The following MTHFD1L variants were observed in gnomAD, a reference collection of about 807,000 sequenced individuals.
MTHFD1L encodes monofunctional C1-tetrahydrofolate synthase, mitochondrial.
MTHFD1L carries 81 observed loss-of-function variants against 119.5 expected under a neutral mutation model. That is an observed-to-expected ratio of 0.68 (90% CI 0.57 to 0.82). MTHFD1L has a LOEUF of 0.82. Among genes scored for constraint, MTHFD1L ranks in the 40% least tolerant of loss-of-function variants. MTHFD1L has a pLI of 0.00. For synonymous variants in MTHFD1L, 430 were observed against 475.2 expected, an observed-to-expected ratio of 0.90 and a Z score of 1.24; for missense variants, 1,125 against 1,253.4, an observed-to-expected ratio of 0.90 and a Z score of 1.55.
intron 7 of MTHFD1L, among the ~76,000 whole-genome samples, chr6:150,891,953 A>G (rs948144901): frequency 1.3e-5 from 2 of 152,228 alleles, no homozygotes; most frequent in African/African-American, 4.8e-5. Context: ...GTGCCAGGGA[A>G]GCCAGGTGTC....
intron 18 of MTHFD1L, among the ~76,000 whole-genome samples, chr6:150,963,852 A>G (rs1348455496): frequency 6.6e-6 from 1 of 152,182 alleles, no homozygotes; most frequent in Non-Finnish European, 1.5e-5. Context: ...AGGTCTTTAC[A>G]AAGTGAGAAG....
chr6:151,033,138 A>ATTT (rs1785588038), intron 24 of MTHFD1L, among the ~76,000 whole-genome samples: 1 of 144,622 alleles, frequency 6.9e-6, no homozygotes, highest in African/African-American at 2.6e-5. Flanking sequence ...TTTTTTTTTG[A>ATTT]GACAGAGTCT....
chr6:151,019,247 G>T (rs1199314767), intron 24 of MTHFD1L, among the ~76,000 whole-genome samples: 1 of 95,636 alleles, frequency 1.0e-5, no homozygotes, highest in Non-Finnish European at 2.6e-5. Context: ...ATGCCATCTT[G>T]CCGTCTGATC....
At chr6:150,930,261 G>A (rs1790803810) in intron 11 of MTHFD1L, among the ~76,000 whole-genome samples, 1 of 152,100 alleles carries the variant, frequency 6.6e-6, no homozygotes, top group Non-Finnish European at 1.5e-5. Flanking sequence ...ACAGCAAAAA[G>A]CAGCACTGGT....
At chr6:150,915,180 A>G (rs1787641084) in intron 8 of MTHFD1L, among the ~76,000 whole-genome samples, 1 of 152,210 alleles carries the variant, frequency 6.6e-6, no homozygotes, top group African/African-American at 2.4e-5. Context: ...TGTGGGCCGC[A>G]TGTAGCCCAG....
At chr6:150,885,530 A>G (rs1038607057) in intron 5 of MTHFD1L, 104 bp from the exon 6 acceptor site, 2 of 811,676 alleles carry the variant, frequency 2.5e-6, no homozygotes, top group African/African-American at 1.7e-5. Flanking sequence ...CTGTCTATCA[A>G]ACATTGACTT....
chr6:150,956,191 A>C, intron 17 of MTHFD1L, 120 bp downstream of exon 17: 1 of 982,994 alleles, frequency 1.0e-6, no homozygotes, highest in Non-Finnish European at 1.6e-6. Context: ...TGGTTCTCTC[A>C]CTGTTTTGGG....
intron 24 of MTHFD1L, among the ~76,000 whole-genome samples, chr6:151,016,411 C>T (rs908489035): frequency 6.6e-6 from 1 of 151,972 alleles, no homozygotes; most frequent in Non-Finnish European, 1.5e-5. Flanking sequence ...CAACCTCTGC[C>T]TCCCAGGTTC....
chr6:150,965,181 C>A, intron 19 of MTHFD1L, 144 bp downstream of exon 19: 1 of 681,496 alleles, frequency 1.5e-6, no homozygotes, highest in Non-Finnish European at 2.6e-6. Flanking sequence ...GAGTGAGGAT[C>A]TGGTTAGGAA....
chr6:151,043,118 C>T (rs1472008372), intron 26 of MTHFD1L, among the ~76,000 whole-genome samples: 1 of 151,916 alleles, frequency 6.6e-6, no homozygotes, highest in Non-Finnish European at 1.5e-5. Flanking sequence ...CTAGCTCTGA[C>T]TAATGTGTGC....
chr6:151,013,455 T>C (rs908781375), intron 21 of MTHFD1L, among the ~76,000 whole-genome samples: 1 of 152,240 alleles, frequency 6.6e-6, no homozygotes, highest in Non-Finnish European at 1.5e-5. Context: ...TATGTTCTAA[T>C]TTGAACCAAT....
intron 24 of MTHFD1L, among the ~76,000 whole-genome samples, chr6:151,029,702 A>G (rs1003861614): frequency 6.6e-6 from 1 of 152,182 alleles, no homozygotes. Context: ...AGGCTGAGGC[A>G]GGAGAATCAC....
chr6:151,070,018 T>C (rs543950424), intron 26 of MTHFD1L, among the ~76,000 whole-genome samples: 1 of 152,276 alleles, frequency 6.6e-6, no homozygotes, highest in African/African-American at 2.4e-5. Context: ...TAAGTTTCAA[T>C]TGACACATAC....
At chr6:150,881,430 A>G (rs1393648240) in intron 4 of MTHFD1L, among the ~76,000 whole-genome samples, 1 of 152,166 alleles carries the variant, frequency 6.6e-6, no homozygotes, top group Non-Finnish European at 1.5e-5. Flanking sequence ...TCTTTGGGAA[A>G]ATTCTCATAG....
chr6:151,015,742 G>C, intron 24 of MTHFD1L, 49 bp downstream of exon 24: 1 of 1,585,436 alleles, frequency 6.3e-7, no homozygotes, highest in Non-Finnish European at 8.6e-7. Flanking sequence ...CCTTAGCATG[G>C]GTTGTCCCAT....
At chr6:150,990,542 C>T (rs561130169) in intron 20 of MTHFD1L, among the ~76,000 whole-genome samples, 1 of 152,228 alleles carries the variant, frequency 6.6e-6, no homozygotes, top group South Asian at 2.1e-4. Flanking sequence ...TCACTGCAAC[C>T]TCCACCTCCC....
chr6:151,086,331 C>T (rs1224462230), intron 26 of MTHFD1L, among the ~76,000 whole-genome samples: 2 of 152,092 alleles, frequency 1.3e-5, no homozygotes, highest in African/African-American at 4.8e-5. Flanking sequence ...GACATTGATA[C>T]TGGGCCATTT....
At chr6:151,055,591 G>A (rs921668088) in intron 26 of MTHFD1L, among the ~76,000 whole-genome samples, 10 of 151,198 alleles carry the variant, frequency 6.6e-5, no homozygotes, top group East Asian at 1.9e-4. Context: ...GCAGTGGCGC[G>A]ATCTCGGCTC....
chr6:151,068,275 A>G (rs1791548683), intron 26 of MTHFD1L, among the ~76,000 whole-genome samples: 1 of 152,232 alleles, frequency 6.6e-6, no homozygotes, highest in African/African-American at 2.4e-5. Flanking sequence ...GAACAGCCAC[A>G]TTGTGATTTT....
Sources: gnomAD v4.1 joint callset for allele counts (sites outside exome capture counted in the v4.1 genomes callset) on GRCh38, gnomAD v4.1.1 for gene constraint, MANE v1.5 for transcripts, NCBI Gene and HGNC (gene_info 2026-07-23, HGNC 2026-07-21) for gene names.